The following FOCAD variants were observed in gnomAD, a reference collection of about 807,000 sequenced individuals.
The protein encoded by FOCAD is KIAA1797.
Under a neutral mutation model 225.6 loss-of-function variants are expected in FOCAD, and 198 were observed. That is an observed-to-expected ratio of 0.88 (90% confidence interval 0.78 to 0.99). The LOEUF is 0.99. Among genes scored for constraint, FOCAD ranks in the 50% least tolerant of loss-of-function variants. FOCAD has a pLI of 0.00. For missense variants in FOCAD, 2,713 were observed against 2,123.6 expected, an observed-to-expected ratio of 1.28 and a Z score of -5.46; for synonymous variants, 897 against 755.0, an observed-to-expected ratio of 1.19 and a Z score of -3.08.
rs374581816 is a variant in FOCAD, at chr9:20,948,360, A to G, written c.3765A>G (p.Leu1255=). The G allele has an allele frequency of 9.8e-5, 158 of 1,612,246 alleles. No individual in the cohort carries two copies. The highest frequency in any genetic ancestry group is 1.3e-4 in the Non-Finnish European group (152 of 1,178,930). ...HGKAEDLGSK[L]LPAWIRIVLT... Reference sequence around the variant, plus strand: ...AAGCTGAAGACTTGGGCAGCAAACTACTCCCTGCCTGGATCAGAATTGTTC... The same window carrying G: ...AAGCTGAAGACTTGGGCAGCAAACTGCTCCCTGCCTGGATCAGAATTGTTC... The change falls in exon 31 of 44, where the codon CTA becomes CTG. Residue 1255 remains leucine (L), a synonymous_variant. Coordinates refer to ENST00000338382, the MANE Select transcript of FOCAD (RefSeq NM_001375567.1).
Position 20,993,264 on chromosome 9 carries a change from G to C in FOCAD, c.5268G>C (p.Trp1756Cys), listed in dbSNP as rs770607770. Residue 1756 changes from tryptophan (W) to cysteine (C), a missense_variant, in exon 43 of 44, where the codon TGG becomes TGC. Trp to Cys is a radical substitution (Grantham distance 215). Coordinates refer to ENST00000338382, the MANE Select transcript of FOCAD (RefSeq NM_001375567.1). ...CATTTTTACCCTAGTTCATTGACTG[G>C]CTATTCAGCATCATGGAAAGCCCTA... is the stretch of plus-strand genomic sequence containing the variant. ...WKEQTQKFID[W>C]LFSIMESPKE... The C allele has an allele frequency of 6.2e-7, 1 of 1,613,674 alleles. No individual in the cohort carries two copies. The highest frequency in any genetic ancestry group is 8.5e-7 in the Non-Finnish European group (1 of 1,179,684).
At chr9:20,866,401 T>G (rs1473047048) in intron 17 of FOCAD, among the ~76,000 whole-genome samples, 1 of 151,996 alleles carries the variant, frequency 6.6e-6, no homozygotes, top group African/African-American at 2.4e-5. Context: ...TGAATGAGCT[T>G]AGATTCCAAA....
At chr9:20,971,847 C>A (rs755218635) in intron 35 of FOCAD, among the ~76,000 whole-genome samples, 2 of 152,036 alleles carry the variant, frequency 1.3e-5, no homozygotes, top group Non-Finnish European at 2.9e-5. Flanking sequence ...TAAATGGAAT[C>A]ATACATTTTT....
chr9:20,862,763 G>C, intron 16 of FOCAD, 51 bp downstream of exon 16: 1 of 1,565,656 alleles, frequency 6.4e-7, no homozygotes, highest in East Asian at 2.3e-5. Context: ...GGAAAGATGT[G>C]TGTTATAATA....
chr9:20,716,287 C>T, intron 2 of FOCAD: 1 of 274,622 alleles, frequency 3.6e-6, no homozygotes. Flanking sequence ...TCTTTGTTAA[C>T]ATAGATAATC....
intron 1 of FOCAD, among the ~76,000 whole-genome samples, chr9:20,687,792 G>C (rs897978798): frequency 6.6e-6 from 1 of 152,140 alleles, no homozygotes; most frequent in African/African-American, 2.4e-5. Context: ...GTATTGCATG[G>C]ACTTCATAAA....
intron 35 of FOCAD, among the ~76,000 whole-genome samples, chr9:20,954,869 GC>G (rs1837994830): frequency 6.6e-6 from 1 of 152,180 alleles, no homozygotes; most frequent in South Asian, 2.1e-4. Context: ...GCCGTGGGAG[GC>G]TGACCTCCGC....
chr9:20,948,760 A>G, intron 31 of FOCAD, 91 bp from the exon 32 acceptor site: 1 of 1,388,628 alleles, frequency 7.2e-7, no homozygotes, highest in Middle Eastern at 1.8e-4. Context: ...TACCAATTCG[A>G]CCATTTATTT....
At chr9:20,859,049 A>T (rs1336399974) in intron 15 of FOCAD, among the ~76,000 whole-genome samples, 1 of 152,060 alleles carries the variant, frequency 6.6e-6, no homozygotes, top group Non-Finnish European at 1.5e-5. Flanking sequence ...CAGCACTTTT[A>T]AGATCTTATT....
chr9:20,759,805 G>C (rs1479945958), intron 6 of FOCAD, among the ~76,000 whole-genome samples: 1 of 152,216 alleles, frequency 6.6e-6, no homozygotes, highest in Non-Finnish European at 1.5e-5. Context: ...AAGTTGGCTA[G>C]AATAATTCAG....
intron 35 of FOCAD, among the ~76,000 whole-genome samples, chr9:20,958,507 T>G (rs759930273): frequency 2.6e-5 from 4 of 152,206 alleles, no homozygotes; most frequent in Non-Finnish European, 5.9e-5. Flanking sequence ...AGTGTGTCTC[T>G]CATCTCAAAC....
chr9:20,790,786 A>G (rs1402710790), intron 11 of FOCAD, among the ~76,000 whole-genome samples: 4 of 152,082 alleles, frequency 2.6e-5, no homozygotes, highest in African/African-American at 7.2e-5. Flanking sequence ...ACAAAAAAAC[A>G]AAACAGATAT....
chr9:20,713,069 A>G (rs4977831), intron 1 of FOCAD, among the ~76,000 whole-genome samples: 142,367 of 152,150 alleles, frequency 0.94, 66,834 homozygotes, highest in African/African-American at 0.98. Context: ...ATTAGCAGCC[A>G]CATTGGCTTT....
At position 20,964,779 on chromosome 9, in the gene FOCAD, C is replaced by G. The variant is rs559789587; in HGVS notation, c.4133-11641C>G. Among the ~76,000 whole-genome samples, 68 of 152,296 alleles carry G rather than the reference C, an allele frequency of 4.5e-4. 3 individuals carry two copies. Among genetic ancestry groups the G allele is most frequent in the African/African-American group, 1.4e-3 (58 of 41,552 alleles). ...TTGATCTCTTGACCTCATGATCCAT[C>G]CTCCTCGGCCTCCCAAAGTGCTGGG... On this transcript the variant is annotated intron_variant, in intron 35 of 43. Coordinates refer to ENST00000338382, the MANE Select transcript of FOCAD (RefSeq NM_001375567.1).
intron 15 of FOCAD, among the ~76,000 whole-genome samples, chr9:20,855,772 A>ACCATCATTT (rs909610478): frequency 6.7e-6 from 1 of 148,172 alleles, no homozygotes; most frequent in African/African-American, 2.5e-5. Flanking sequence ...GCCTCTGTTA[A>ACCATCATTT]CCATCATTTT....
chr9:20,803,827 A>G (rs1822109999), intron 11 of FOCAD, among the ~76,000 whole-genome samples: 1 of 152,128 alleles, frequency 6.6e-6, no homozygotes, highest in Admixed American at 6.5e-5. Context: ...ATTGCTCCCT[A>G]TGGTGAGCAG....
rs1835744617 is a variant in FOCAD at position 20,934,233 on chromosome 9, C to T, written c.3407+1130C>T. 2.0e-5 allele frequency among the ~76,000 whole-genome samples: 3 copies of T among 151,984 alleles called. No individual in the cohort carries two copies. The South Asian group carries it at 6.2e-4, about 32-fold the overall frequency. On this transcript the variant is annotated intron_variant, in intron 28 of 43. Coordinates refer to ENST00000338382, the MANE Select transcript of FOCAD (RefSeq NM_001375567.1). ...GTTTAATTAAGTCCAAGCTATTTAT[C>T]GTTTTTAACTGCATTTGCTTTTTGG... is the stretch of plus-strand genomic sequence containing the variant.
chr9:20,759,329 C>A (rs374304013), intron 6 of FOCAD, among the ~76,000 whole-genome samples: 14 of 152,232 alleles, frequency 9.2e-5, no homozygotes, highest in Middle Eastern at 3.4e-3. Flanking sequence ...AGGCTACAGT[C>A]ACCAAAACAG....
At chr9:20,690,607 G>C (rs759858400) in intron 1 of FOCAD, among the ~76,000 whole-genome samples, 5 of 152,112 alleles carry the variant, frequency 3.3e-5, no homozygotes, top group Non-Finnish European at 5.9e-5. Flanking sequence ...GAAGTGCAGT[G>C]GTGTGATCAT....
Sources: allele counts gnomAD v4.1 joint callset (sites outside exome capture counted in the v4.1 genomes callset), GRCh38; gene constraint gnomAD v4.1.1; transcripts MANE v1.5; gene names NCBI Gene and HGNC (gene_info 2026-07-23, HGNC 2026-07-21).